CDKN2B-AS1: variants seen among roughly 807,000 people sequenced by gnomAD.
CDKN2B-AS1 encodes the protein CDKN2B antisense RNA 1 (non-protein coding).
intron 1 of CDKN2B-AS1, chr9:22,012,113 C>G: frequency 1.2e-6 from 1 of 844,310 alleles, no homozygotes; most frequent in Admixed American, 2.0e-5. Flanking sequence ...GATCTGCCAT[C>G]CTCTTTTTCT....
chr9:22,046,898 G>C (rs1823132864), exon 2 of CDKN2B-AS1: 1 of 152,152 alleles, frequency 6.6e-6, no homozygotes, highest in South Asian at 2.1e-4. Context: ...CTTGGAAAGA[G>C]AGGTAATGAG....
rs1820890975 is a variant in CDKN2B-AS1 at position 22,000,907 on chromosome 9, C to T, written n.29+5746C>T. On this transcript the variant is annotated intron_variant and non_coding_transcript_variant, in intron 1 of 4. Transcript: ENST00000650946. This position sits in a 1 kb window ranked among gnomAD's most constrained non-coding sequence, Gnocchi z 4.1. The stretch of plus-strand genomic sequence containing the variant: ...TTGAGAGCTACCTAAATACCAGACA[C>T]TCATTCTTGGTCCTGACTCCTACTC... Among the ~76,000 whole-genome samples, 1 of 152,142 alleles carries T rather than the reference C, an allele frequency of 6.6e-6. No individual in the cohort carries two copies. The highest frequency in any genetic ancestry group is 1.5e-5 in the Non-Finnish European group (1 of 68,000).
intron 4 of CDKN2B-AS1, among the ~76,000 whole-genome samples, chr9:22,109,882 C>T (rs1825759640): frequency 6.6e-6 from 1 of 152,112 alleles, no homozygotes; most frequent in Admixed American, 6.6e-5. Context: ...CCTTGCTCTC[C>T]CAATGACCTC....
At chr9:22,017,175 C>G (rs1472868219) in intron 1 of CDKN2B-AS1, among the ~76,000 whole-genome samples, 2 of 152,190 alleles carry the variant, frequency 1.3e-5, no homozygotes, top group East Asian at 1.9e-4. Context: ...GCCTGTAATC[C>G]CAGCACTTTG....
intron 4 of CDKN2B-AS1, among the ~76,000 whole-genome samples, chr9:22,081,275 C>CTTTTTTTTTTTTTTTTTT: frequency 8.0e-6 from 1 of 124,516 alleles, no homozygotes; most frequent in Non-Finnish European, 1.7e-5. Flanking sequence ...TGTTCTTTAG[C>CTTTTTTTTTTTTTTTTTT]TTTTTTTTTT....
intron 4 of CDKN2B-AS1, among the ~76,000 whole-genome samples, chr9:22,072,497 G>T (rs185569995): frequency 6.6e-6 from 1 of 152,348 alleles, no homozygotes; most frequent in African/African-American, 2.4e-5. Flanking sequence ...ATTTTTGCCT[G>T]TGTGCGCCTG....
At chr9:22,113,525 C>T (rs979463145) in intron 4 of CDKN2B-AS1, 1 of 152,190 alleles carries the variant, frequency 6.6e-6, no homozygotes, top group Non-Finnish European at 1.5e-5. Context: ...ATAAAATCTT[C>T]GGGGTCATTC....
intron 4 of CDKN2B-AS1, among the ~76,000 whole-genome samples, chr9:22,125,055 A>G (rs369151031): frequency 6.6e-6 from 1 of 152,394 alleles, no homozygotes; most frequent in South Asian, 2.1e-4. Flanking sequence ...ATGCACGCAC[A>G]CGTGTGCACA....
In CDKN2B-AS1 at chr9:22,006,411, G is replaced by A. The variant is rs983275158; in HGVS notation, n.29+11250G>A. ...GATGTCTGGTGTTTCTTCATTTGCT[G>A]ATGCAATCCACTTTCCCACCCCACC... On this transcript the variant is annotated intron_variant and non_coding_transcript_variant, in intron 1 of 4. Transcript: ENST00000650946. The surrounding 1 kb of genome is among the most constrained non-coding windows in gnomAD (Gnocchi z 6.4). 6.3e-6 allele frequency: 6 copies of A among 951,494 alleles called. No homozygotes were observed. In the African/African-American group the frequency reaches 9.8e-5, roughly 15 times the overall value. The allele number at this position is 951,494 out of a possible 1,614,324, so 58.9% of individuals were successfully genotyped here. A position where few individuals can be genotyped will look rare whatever the true frequency, so the allele number is the denominator to read the frequency against.
At chr9:22,075,651 A>G (rs1824465370) in intron 4 of CDKN2B-AS1, among the ~76,000 whole-genome samples, 1 of 152,348 alleles carries the variant, frequency 6.6e-6, no homozygotes, top group East Asian at 1.9e-4. Context: ...TTTCAAGTGC[A>G]TGTAACTTGA....
At chr9:22,060,432 T>C (rs1823766881) in intron 4 of CDKN2B-AS1, among the ~76,000 whole-genome samples, 1 of 152,194 alleles carries the variant, frequency 6.6e-6, no homozygotes, top group East Asian at 1.9e-4. Flanking sequence ...CTCATCTCCA[T>C]CTGAGACCAC....
intron 3 of CDKN2B-AS1, among the ~76,000 whole-genome samples, chr9:22,052,688 A>G (rs1823400156): frequency 6.6e-6 from 1 of 152,212 alleles, no homozygotes; most frequent in African/African-American, 2.4e-5. Flanking sequence ...TCAGCCCACA[A>G]ATCCCGCATT....
chr9:22,015,372 A>G (rs1171494717), intron 1 of CDKN2B-AS1, among the ~76,000 whole-genome samples: 1 of 152,140 alleles, frequency 6.6e-6, no homozygotes, highest in African/African-American at 2.4e-5. Flanking sequence ...GTCTTGATTA[A>G]GGTAGCTTTA....
chr9:22,088,560 TGATTCA>T (rs1390949102), intron 4 of CDKN2B-AS1, among the ~76,000 whole-genome samples: 1 of 152,230 alleles, frequency 6.6e-6, no homozygotes, highest in African/African-American at 2.4e-5. Context: ...AGTTACCGTG[TGATTCA>T]GTTCACTCCA....
intron 4 of CDKN2B-AS1, among the ~76,000 whole-genome samples, chr9:22,071,663 A>G (rs1443988787): frequency 1.3e-5 from 2 of 152,212 alleles, no homozygotes; most frequent in South Asian, 4.1e-4. Flanking sequence ...ATGATTCTAA[A>G]TGGAAGTACA....
At chr9:22,008,261 C>T (rs1821292900) in intron 1 of CDKN2B-AS1, among the ~76,000 whole-genome samples, 1 of 152,138 alleles carries the variant, frequency 6.6e-6, no homozygotes, top group African/African-American at 2.4e-5. Flanking sequence ...TTATGCATCA[C>T]TCATAAGACA....
At chr9:22,022,782 A>G (rs76316161) in intron 1 of CDKN2B-AS1, among the ~76,000 whole-genome samples, 8,977 of 152,184 alleles carry the variant, frequency 0.059, 869 homozygotes, top group African/African-American at 0.2. Flanking sequence ...CCTTTCCACA[A>G]TTAGTGCTTC....
chr9:22,048,447 G>A (rs990356042), intron 2 of CDKN2B-AS1, among the ~76,000 whole-genome samples: 4 of 152,158 alleles, frequency 2.6e-5, no homozygotes, highest in African/African-American at 9.7e-5. Flanking sequence ...GCATGGAAGA[G>A]GCTGTTCATG....
At chr9:22,044,911 C>G (rs528876323) in intron 1 of CDKN2B-AS1, among the ~76,000 whole-genome samples, 34 of 152,106 alleles carry the variant, frequency 2.2e-4, no homozygotes, top group Non-Finnish European at 4.1e-4. Context: ...GAATACTACT[C>G]TATATTCAAG....
Sources: gnomAD v4.1 joint callset for allele counts (sites outside exome capture counted in the v4.1 genomes callset) on GRCh38, gnomAD v4.1.1 for gene constraint, Gnocchi (gnomAD v3.1) non-coding constraint, MANE v1.5 for transcripts, NCBI Gene and HGNC (gene_info 2026-07-23, HGNC 2026-07-21) for gene names.